LRRC9: variants seen among roughly 807,000 people sequenced by gnomAD.
LRRC9 encodes leucine-rich repeat-containing protein 9.
A neutral mutation model predicts 63.2 loss-of-function variants in LRRC9; 122 were observed. The observed-to-expected ratio is 1.93, with a 90% CI of 1.67 to 2.24. The LOEUF (loss-of-function observed/expected upper bound fraction) is 2.24, where lower values mean the gene tolerates loss of function less well. LRRC9 is among the 30% of genes most tolerant of loss of function. LRRC9 has a pLI of 0.00. For missense variants in LRRC9, 1,071 were observed against 627.7 expected (o/e 1.71, Z -7.55); for synonymous variants, 366 against 213.1 (o/e 1.72, Z -6.25).
chr14:60,036,803 A>G (rs569245744), intron 29 of LRRC9, among the ~76,000 whole-genome samples: 13 of 151,868 alleles, frequency 8.6e-5, no homozygotes, highest in Non-Finnish European at 1.8e-4. Flanking sequence ...TCTAGGGTAC[A>G]TGTGCACAAC....
chr14:59,967,213 G>C (rs1185093236), exon 12 of LRRC9: 12 of 593,532 alleles, frequency 2.0e-5, no homozygotes, highest in Non-Finnish European at 3.5e-5. Flanking sequence ...AAACAAGCAA[G>C]GTAGCATAAA....
At chr14:59,982,276 G>C (rs1175389308) in intron 16 of LRRC9, among the ~76,000 whole-genome samples, 1 of 152,070 alleles carries the variant, frequency 6.6e-6, no homozygotes, top group African/African-American at 2.4e-5. Context: ...TTCTCTAGTA[G>C]CTATGTTTTT....
At chr14:60,002,570 A>G (rs987894194) in intron 20 of LRRC9, among the ~76,000 whole-genome samples, 1 of 152,172 alleles carries the variant, frequency 6.6e-6, no homozygotes, top group Non-Finnish European at 1.5e-5. Flanking sequence ...GCAATTTTAA[A>G]TTGTCAATTA....
At chr14:59,940,844 G>A (rs1881683161) in intron 7 of LRRC9, among the ~76,000 whole-genome samples, 1 of 152,062 alleles carries the variant, frequency 6.6e-6, no homozygotes. Context: ...ACTGAATTTA[G>A]CATTATAATT....
At chr14:59,928,332 A>T in exon 3 of LRRC9, 2 of 677,130 alleles carry the variant, frequency 3.0e-6, no homozygotes, top group Non-Finnish European at 5.3e-6. Flanking sequence ...TCAAAGTTGG[A>T]GATGTTTTTC....
At chr14:59,940,023 G>A (rs1361952120) in intron 7 of LRRC9, among the ~76,000 whole-genome samples, 1 of 152,044 alleles carries the variant, frequency 6.6e-6, no homozygotes, top group East Asian at 1.9e-4. Flanking sequence ...TTAAATGTTG[G>A]GTAGAAGAGA....
At chr14:59,954,223 A>T (rs1883482497) in intron 8 of LRRC9, among the ~76,000 whole-genome samples, 1 of 152,214 alleles carries the variant, frequency 6.6e-6, no homozygotes, top group Non-Finnish European at 1.5e-5. Flanking sequence ...CTTGATGGGA[A>T]TAGCACTGAA....
At chr14:60,032,147 T>G in intron 29 of LRRC9, 84 bp downstream of exon 29, 1 of 627,616 alleles carries the variant, frequency 1.6e-6, no homozygotes, top group Non-Finnish European at 2.8e-6. Flanking sequence ...AGAAAGGGAT[T>G]TAGTTTTATG....
chr14:59,952,608 T>C (rs1883284863), intron 8 of LRRC9, among the ~76,000 whole-genome samples: 1 of 152,216 alleles, frequency 6.6e-6, no homozygotes, highest in Non-Finnish European at 1.5e-5. Context: ...TTTTCCCTTA[T>C]AGAGTACAAT....
intron 1 of LRRC9, among the ~76,000 whole-genome samples, chr14:59,924,136 T>C (rs540108611): frequency 8.5e-5 from 13 of 152,340 alleles, no homozygotes; most frequent in African/African-American, 2.9e-4. Flanking sequence ...GAACACCATT[T>C]GGTGAATTTG....
rs141500945 is a variant in LRRC9 at position 60,015,519 on chromosome 14, G to A, written c.3187-1141G>A. Among the ~76,000 whole-genome samples the A allele has an allele frequency of 1.3e-4, 20 of 152,228 alleles. No homozygotes were observed. The East Asian group carries it at 3.5e-3, about 27-fold the overall frequency. ...ATTTGGCTTCTGTTGACAACCTGGA[G>A]GTGTGTTCTTCATTAACTGCTAGGC... On this transcript the variant is annotated intron_variant, in intron 23 of 31. Transcript: ENST00000445360.
At chr14:60,029,267 C>A (rs188891477) in intron 28 of LRRC9, among the ~76,000 whole-genome samples, 9 of 152,230 alleles carry the variant, frequency 5.9e-5, no homozygotes, top group Non-Finnish European at 1.3e-4. Context: ...CAATGACACA[C>A]AGGGCCCAGG....
intron 17 of LRRC9, among the ~76,000 whole-genome samples, chr14:59,992,772 G>T (rs1202452075): frequency 6.6e-6 from 1 of 152,148 alleles, no homozygotes; most frequent in East Asian, 1.9e-4. Context: ...AGAATAAAAA[G>T]AAATGAACAA....
At chr14:60,015,184 G>GT (rs949536345) in intron 23 of LRRC9, among the ~76,000 whole-genome samples, 3 of 151,680 alleles carry the variant, frequency 2.0e-5, no homozygotes, top group South Asian at 2.1e-4. Flanking sequence ...AAGGGTTTCT[G>GT]TTTTTTTCAT....
intron 17 of LRRC9, among the ~76,000 whole-genome samples, chr14:59,991,706 G>A (rs1218447303): frequency 6.6e-6 from 1 of 152,184 alleles, no homozygotes; most frequent in Admixed American, 6.5e-5. Context: ...CGCCCATGGA[G>A]CCTCACTCAT....
chr14:60,038,188 G>A (rs1892616981), intron 29 of LRRC9, among the ~76,000 whole-genome samples: 1 of 152,262 alleles, frequency 6.6e-6, no homozygotes, highest in African/African-American at 2.4e-5. Flanking sequence ...ATAGTTTGAA[G>A]TCAGGTAGCG....
chr14:60,041,105 G>A (rs1284761288), intron 29 of LRRC9, among the ~76,000 whole-genome samples: 14 of 151,938 alleles, frequency 9.2e-5, no homozygotes, highest in Middle Eastern at 3.4e-3. Flanking sequence ...CTTCTGGCTC[G>A]TACAGTTTCT....
intron 26 of LRRC9, 127 bp from the exon 27 acceptor site, chr14:60,022,607 T>A (rs1437826476): frequency 5.0e-6 from 2 of 397,846 alleles, no homozygotes; most frequent in Non-Finnish European, 8.9e-6. Context: ...TAAGCTTAAT[T>A]CTGATATATT....
At chr14:59,978,936 G>A (rs543030734) in intron 15 of LRRC9, among the ~76,000 whole-genome samples, 23 of 152,130 alleles carry the variant, frequency 1.5e-4, no homozygotes, top group Non-Finnish European at 3.1e-4. Flanking sequence ...AACACAAGAT[G>A]TTATCAGTCT....
Sources: allele counts gnomAD v4.1 joint callset (sites outside exome capture counted in the v4.1 genomes callset), GRCh38; gene constraint gnomAD v4.1.1; transcripts MANE v1.5; gene names NCBI Gene and HGNC (gene_info 2026-07-23, HGNC 2026-07-21).